CCDC7: variants seen among roughly 807,000 people sequenced by gnomAD.
The protein encoded by CCDC7 is coiled-coil domain-containing protein 7.
A neutral mutation model predicts 196.9 loss-of-function variants in CCDC7; 183 were observed. The ratio of observed to expected loss-of-function variants is 0.93; its 90% confidence interval spans 0.82 to 1.05. The LOEUF is 1.05. Ranked by LOEUF, CCDC7 falls within the 50% of genes least tolerant of loss-of-function variation. CCDC7 has a pLI of 0.00. For missense variants in CCDC7, 1,540 were observed against 1,482.2 expected (o/e 1.04, Z -0.64); for synonymous variants, 525 against 484.6 (o/e 1.08, Z -1.10).
At chr10:32,761,319 T>G (rs1287577943) in intron 28 of CCDC7, among the ~76,000 whole-genome samples, 1 of 151,984 alleles carries the variant, frequency 6.6e-6, no homozygotes, top group Non-Finnish European at 1.5e-5. Flanking sequence ...ATATGGTACT[T>G]GATACAGAAC....
intron 18 of CCDC7, among the ~76,000 whole-genome samples, chr10:32,633,068 G>A (rs972212908): frequency 6.6e-6 from 1 of 152,082 alleles, no homozygotes; most frequent in Non-Finnish European, 1.5e-5. Context: ...GATTGTTGTA[G>A]TATCTATCTG....
intron 5 of CCDC7, among the ~76,000 whole-genome samples, chr10:32,470,594 A>G (rs1326656438): frequency 1.3e-5 from 2 of 152,148 alleles, no homozygotes; most frequent in African/African-American, 2.4e-5. Flanking sequence ...AGTCTTCCCC[A>G]TGCAGACTGG....
intron 20 of CCDC7, among the ~76,000 whole-genome samples, chr10:32,635,368 G>C (rs905681831): frequency 6.6e-6 from 1 of 151,710 alleles, no homozygotes; most frequent in Non-Finnish European, 1.5e-5. Context: ...AATAATGTCA[G>C]GTTTTACTTT....
chr10:32,554,728 A>C (rs2136405192), intron 13 of CCDC7, among the ~76,000 whole-genome samples: 1 of 152,156 alleles, frequency 6.6e-6, no homozygotes, highest in African/African-American at 2.4e-5. Flanking sequence ...GGTCTTTTTA[A>C]GTTTTTTTAA....
chr10:32,872,178 G>T (rs1345847954), intron 41 of CCDC7, among the ~76,000 whole-genome samples: 1 of 152,024 alleles, frequency 6.6e-6, no homozygotes, highest in Non-Finnish European at 1.5e-5. Context: ...TTTCTGTCTC[G>T]TTGATCTGTC....
chr10:32,834,606 A>G (rs1476248996), intron 32 of CCDC7, among the ~76,000 whole-genome samples: 1 of 151,446 alleles, frequency 6.6e-6, no homozygotes, highest in African/African-American at 2.4e-5. Flanking sequence ...CTAGGCTTAT[A>G]TGATTGCTAA....
At chr10:32,749,098 G>A (rs1183468591) in intron 28 of CCDC7, among the ~76,000 whole-genome samples, 1 of 152,162 alleles carries the variant, frequency 6.6e-6, no homozygotes, top group Non-Finnish European at 1.5e-5. Flanking sequence ...AAAGGTTTCT[G>A]CTTCATTAAG....
At chr10:32,652,387 G>C (rs1356628287) in intron 20 of CCDC7, among the ~76,000 whole-genome samples, 5 of 151,876 alleles carry the variant, frequency 3.3e-5, no homozygotes, top group Non-Finnish European at 7.4e-5. Flanking sequence ...CTTTAATTTG[G>C]AGAATTCTGT....
chr10:32,647,438 G>T (rs137989759), intron 20 of CCDC7, among the ~76,000 whole-genome samples: 7 of 152,122 alleles, frequency 4.6e-5, no homozygotes, highest in Admixed American at 4.6e-4. Flanking sequence ...GAGCCCTGGG[G>T]GGTAGAGGTT....
intron 9 of CCDC7, among the ~76,000 whole-genome samples, chr10:32,499,909 T>C (rs909854929): frequency 1.6e-4 from 24 of 152,334 alleles, no homozygotes; most frequent in East Asian, 9.6e-4. Context: ...TCAGAGAGCA[T>C]GGGGTTGGGG....
At chr10:32,591,056 G>A (rs2059733409) in intron 18 of CCDC7, among the ~76,000 whole-genome samples, 1 of 151,958 alleles carries the variant, frequency 6.6e-6, no homozygotes, top group Non-Finnish European at 1.5e-5. Flanking sequence ...CTATCTCTTT[G>A]AATAAACTTT....
chr10:32,665,719 T>A (rs1591328855), intron 21 of CCDC7, among the ~76,000 whole-genome samples: 1 of 152,216 alleles, frequency 6.6e-6, no homozygotes, highest in East Asian at 1.9e-4. Flanking sequence ...TGGTTACATA[T>A]GAATTTTTGG....
Position 32,519,950 on chromosome 10 carries a change from G to A in CCDC7, c.993+1445G>A, listed in dbSNP as rs1373001366. Among the ~76,000 whole-genome samples, 6 of 151,946 alleles carry A rather than the reference G, an allele frequency of 3.9e-5. No individual in the cohort carries two copies. The East Asian group carries it at 9.7e-4, about 24-fold the overall frequency. On this transcript the variant is annotated intron_variant, in intron 11 of 41. Transcript: ENST00000639629. ...AATTGTTTTGATTTTTAACCCCCAC[G>A]AATAAGTGAAAACATGCAATGTTTG... is the stretch of plus-strand genomic sequence containing the variant.
intron 21 of CCDC7, among the ~76,000 whole-genome samples, chr10:32,685,228 A>G (rs1236471394): frequency 1.5e-5 from 2 of 136,910 alleles, no homozygotes; most frequent in Non-Finnish European, 3.1e-5. Flanking sequence ...TTTTTCACTT[A>G]ACATTATCTC....
upstream of CCDC7, among the ~76,000 whole-genome samples, chr10:32,451,016 G>C (rs556132001): frequency 3.8e-4 from 58 of 152,010 alleles, no homozygotes; most frequent in African/African-American, 1.3e-3. Context: ...TTTGGGATTT[G>C]CCATCTTCAT....
At chr10:32,802,100 T>C (rs2084918506) in intron 29 of CCDC7, among the ~76,000 whole-genome samples, 1 of 152,200 alleles carries the variant, frequency 6.6e-6, no homozygotes, top group African/African-American at 2.4e-5. Context: ...CAGCTTTTTT[T>C]CTACAGAAGA....
At chr10:32,759,192 C>G (rs1032412724) in intron 28 of CCDC7, among the ~76,000 whole-genome samples, 4 of 152,116 alleles carry the variant, frequency 2.6e-5, no homozygotes, top group South Asian at 2.1e-4. Flanking sequence ...AGATTCAATG[C>G]CATCCCCATC....
intron 33 of CCDC7, among the ~76,000 whole-genome samples, chr10:32,838,531 G>C (rs977316833): frequency 1.3e-5 from 2 of 151,980 alleles, no homozygotes; most frequent in African/African-American, 4.8e-5. Flanking sequence ...CTGAGAAGAA[G>C]AGAAATCTAA....
At chr10:32,742,201 G>A (rs2085970873) in intron 28 of CCDC7, among the ~76,000 whole-genome samples, 1 of 151,946 alleles carries the variant, frequency 6.6e-6, no homozygotes, top group Non-Finnish European at 1.5e-5. Context: ...GCAGTTTTAG[G>A]TTCAGTTCAC....
Sources: gnomAD v4.1 joint callset for allele counts (sites outside exome capture counted in the v4.1 genomes callset) on GRCh38, gnomAD v4.1.1 for gene constraint, MANE v1.5 for transcripts, NCBI Gene and HGNC (gene_info 2026-07-23, HGNC 2026-07-21) for gene names.